The following PACRG variants were observed in gnomAD, a reference collection of about 807,000 sequenced individuals.
The protein encoded by PACRG is parkin coregulated gene protein.
A neutral mutation model predicts 29.7 loss-of-function variants in PACRG; 29 were observed. That is an observed-to-expected ratio of 0.98 (90% CI 0.73 to 1.33). The LOEUF (loss-of-function observed/expected upper bound fraction) is 1.33. Ranked by LOEUF, PACRG falls within the 40% of genes most tolerant of loss-of-function variation. PACRG has a pLI of 0.00. For synonymous variants in PACRG, 116 were observed against 118.7 expected, an observed-to-expected ratio of 0.98 and a Z score of 0.15; for missense variants, 279 against 316.2, an observed-to-expected ratio of 0.88 and a Z score of 0.89.
chr6:163,076,586 C>G (rs1352279244), intron 3 of PACRG, among the ~76,000 whole-genome samples: 1 of 152,234 alleles, frequency 6.6e-6, no homozygotes, highest in Non-Finnish European at 1.5e-5. Flanking sequence ...AGGATTCCCA[C>G]TATCTGGCTG....
chr6:163,187,936 A>C (rs1780029637), intron 4 of PACRG: 1 of 152,224 alleles, frequency 6.6e-6, no homozygotes, highest in African/African-American at 2.4e-5. Context: ...GCCTCACACT[A>C]AGTCAATACC....
chr6:163,273,671 T>TC lies in PACRG; in HGVS notation c.614-41150dup, dbSNP rs199743146. Among the ~76,000 whole-genome samples the TC allele has an allele frequency of 9.5e-3, 1,447 of 152,196 alleles. 28 individuals carry two copies. The highest frequency in any genetic ancestry group is 0.034 in the African/African-American group (1,405 of 41,534). Reference sequence around the variant, plus strand: ...TTCTCTTAATTTTCTGTTACTTTCCTCCCCCCTTGATATTTCCTGTTTGCA... The same window carrying TC: ...TTCTCTTAATTTTCTGTTACTTTCCTCCCCCCCTTGATATTTCCTGTTTGCA... On this transcript the variant is annotated intron_variant, in intron 4 of 4. Transcript: ENST00000366888.
upstream of PACRG, chr6:162,727,716 GCAGCGGCGCCAGCCGCGCCTCCCAC>G: frequency 1.3e-6 from 2 of 1,550,970 alleles, no homozygotes; most frequent in South Asian, 1.2e-5. Flanking sequence ...GCCCATGCGC[GCAGCGGCGCCAGCCGCGCCTCCCAC>G]CAGCGGCTCT....
At chr6:163,209,509 G>A (rs1312389370) in intron 4 of PACRG, among the ~76,000 whole-genome samples, 1 of 152,180 alleles carries the variant, frequency 6.6e-6, no homozygotes, top group East Asian at 1.9e-4. Flanking sequence ...ACAAATAATT[G>A]TTAATATTGA....
At chr6:162,908,532 C>T (rs1236203649) in intron 2 of PACRG, among the ~76,000 whole-genome samples, 1 of 152,238 alleles carries the variant, frequency 6.6e-6, no homozygotes, top group East Asian at 1.9e-4. Flanking sequence ...TGATATGGCC[C>T]TGCAGCTGAA....
Position 162,947,597 on chromosome 6 carries a change from T to TATATATATATATAATC in PACRG, c.292-114542_292-114541insTAATCATATATATATA, listed in dbSNP as rs1562767125. Among the ~76,000 whole-genome samples the TATATATATATATAATC allele has an allele frequency of 2.0e-3, 138 of 70,016 alleles. 2 individuals carry two copies. Among genetic ancestry groups the TATATATATATATAATC allele is most frequent in the African/African-American group, 6.8e-3 (117 of 17,240 alleles). 45.9% of individuals were successfully genotyped at this position (70,016 alleles called of 152,430 possible). On this transcript the variant is annotated intron_variant, in intron 2 of 4. Transcript: ENST00000366888. ...TCATATATAATCATATATATAATCA[T>TATATATATATATAATC]ATATATATATAATCATATATATATA... is the stretch of plus-strand genomic sequence containing the variant.
At chr6:163,295,640 A>G (rs997674812) in intron 4 of PACRG, among the ~76,000 whole-genome samples, 17 of 152,216 alleles carry the variant, frequency 1.1e-4, no homozygotes, top group Non-Finnish European at 2.1e-4. Context: ...TTTAATTGTT[A>G]GAACTATCAT....
chr6:163,179,072 C>T, intron 4 of PACRG: 5 of 298,130 alleles, frequency 1.7e-5, no homozygotes, highest in Admixed American at 3.7e-5. Context: ...TGATATTTAC[C>T]ACACAGGACT....
At chr6:163,171,288 A>T (rs966165841) in intron 4 of PACRG, among the ~76,000 whole-genome samples, 1 of 152,230 alleles carries the variant, frequency 6.6e-6, no homozygotes, top group African/African-American at 2.4e-5. Flanking sequence ...ATCACAGATC[A>T]AAGGGGGAAG....
At chr6:162,920,284 G>A (rs1044171775) in intron 2 of PACRG, among the ~76,000 whole-genome samples, 3 of 152,128 alleles carry the variant, frequency 2.0e-5, no homozygotes, top group Admixed American at 1.3e-4. Context: ...ACTCCCCGAA[G>A]CCTGAATGCT....
At chr6:163,145,410 A>G (rs1323098877) in intron 4 of PACRG, among the ~76,000 whole-genome samples, 2 of 152,202 alleles carry the variant, frequency 1.3e-5, no homozygotes, top group African/African-American at 4.8e-5. Flanking sequence ...TCTTCCATCA[A>G]CTGTAAATAC....
At chr6:163,017,644 T>C (rs1005459629) in intron 2 of PACRG, among the ~76,000 whole-genome samples, 1 of 152,084 alleles carries the variant, frequency 6.6e-6, no homozygotes, top group African/African-American at 2.4e-5. Context: ...CAGGTGGTTG[T>C]TGCAGAAAGT....
Position 162,855,178 on chromosome 6 carries a change from G to T in PACRG, c.291+40897G>T, listed in dbSNP as rs149969407. 4.7e-3 allele frequency among the ~76,000 whole-genome samples: 718 copies of T among 152,318 alleles called. 4 individuals are homozygous for T. The highest frequency in any genetic ancestry group is 0.016 in the African/African-American group (670 of 41,564). On this transcript the variant is annotated intron_variant, in intron 2 of 4. Coordinates refer to ENST00000366888, the MANE Select transcript of PACRG (RefSeq NM_001080379.2). ...AGACTCGGCGTAAGCTGGAGATAAT[G>T]CCCAGCGCTGACACCTGGTAGAGCT...
At chr6:162,855,291 T>TA (rs1261987561) in intron 2 of PACRG, among the ~76,000 whole-genome samples, 2 of 152,232 alleles carry the variant, frequency 1.3e-5, no homozygotes, top group African/African-American at 4.8e-5. Flanking sequence ...ATGATCGTGT[T>TA]ATAATTGTGA....
At chr6:162,986,812 G>A (rs983803352) in intron 2 of PACRG, among the ~76,000 whole-genome samples, 7 of 151,950 alleles carry the variant, frequency 4.6e-5, no homozygotes, top group East Asian at 1.9e-4. Flanking sequence ...GTCTATTGTC[G>A]ACAATTTCCA....
In PACRG at chr6:163,101,263, G is replaced by A. The variant is rs971271446; in HGVS notation, c.613+11855G>A. 11 of 981,892 alleles carry A rather than the reference G, an allele frequency of 1.1e-5. No individual in the cohort carries two copies. In the African/African-American group the frequency reaches 1.9e-4, roughly 17 times the overall value. 60.8% of individuals were successfully genotyped at this position (981,892 alleles called of 1,614,324 possible). A position where few individuals can be genotyped will look rare whatever the true frequency, so the allele number is the denominator to read the frequency against. On this transcript the variant is annotated intron_variant, in intron 4 of 4. Transcript: ENST00000366888. The stretch of plus-strand genomic sequence containing the variant: ...AATACTGGAATTTAAAAAACAAGAT[G>A]TAATTGGGCCATAATGACAGGATTA...
At chr6:163,080,036 C>A (rs552175817) in intron 3 of PACRG, among the ~76,000 whole-genome samples, 1 of 151,004 alleles carries the variant, frequency 6.6e-6, no homozygotes, top group Non-Finnish European at 1.5e-5. Flanking sequence ...GTAGCTGAAA[C>A]TACAGGTGCC....
chr6:163,221,872 G>A (rs1300243004), intron 4 of PACRG, among the ~76,000 whole-genome samples: 3 of 152,178 alleles, frequency 2.0e-5, no homozygotes, highest in African/African-American at 4.8e-5. Flanking sequence ...ATACTGGGTC[G>A]TGGGACCTTG....
At chr6:162,944,540 A>G (rs1406903796) in intron 2 of PACRG, among the ~76,000 whole-genome samples, 1 of 152,206 alleles carries the variant, frequency 6.6e-6, no homozygotes, top group African/African-American at 2.4e-5. Context: ...ATTCTGTGAG[A>G]TGTGAAAGAA....
Sources: gnomAD v4.1 joint callset for allele counts (sites outside exome capture counted in the v4.1 genomes callset) on GRCh38, gnomAD v4.1.1 for gene constraint, MANE v1.5 for transcripts, NCBI Gene and HGNC (gene_info 2026-07-23, HGNC 2026-07-21) for gene names.